BCAS3: variants seen among roughly 807,000 people sequenced by gnomAD.
BCAS3 encodes the protein BCAS3 microtubule associated cell migration factor.
BCAS3 carries 53 observed loss-of-function variants against 116.1 expected under a neutral mutation model. The ratio of observed to expected loss-of-function variants is 0.46; its 90% confidence interval spans 0.37 to 0.57. The LOEUF (loss-of-function observed/expected upper bound fraction) is 0.57, where lower values mean the gene tolerates loss of function less well. Ranked by LOEUF, BCAS3 falls within the 20% of genes least tolerant of loss-of-function variation. BCAS3 has a pLI of 0.00. For missense variants in BCAS3, 917 were observed against 1,165.4 expected, an observed-to-expected ratio of 0.79 and a Z score of 3.10; for synonymous variants, 391 against 408.2, an observed-to-expected ratio of 0.96 and a Z score of 0.51.
rs1340671180 is a variant in BCAS3, at chr17:61,239,577, A to G, written c.2426-128750A>G. Reference sequence around the variant, plus strand: ...AAGATTAATATAAAAAGAGAACTTCATTTACTCTGAGTGATCATGTTTCAA... The same window carrying G: ...AAGATTAATATAAAAAGAGAACTTCGTTTACTCTGAGTGATCATGTTTCAA... On this transcript the variant is annotated intron_variant, in intron 22 of 23. Transcript: ENST00000407086. This position sits in a 1 kb window ranked among gnomAD's most constrained non-coding sequence, Gnocchi z 4.2. 6.6e-6 allele frequency among the ~76,000 whole-genome samples: 1 copy of G among 152,202 alleles called. No homozygotes were observed. The highest frequency in any genetic ancestry group is 1.5e-5 in the Non-Finnish European group (1 of 68,030).
chr17:60,942,123 A>G (rs925526763), intron 13 of BCAS3, among the ~76,000 whole-genome samples: 6 of 152,110 alleles, frequency 3.9e-5, no homozygotes, highest in Non-Finnish European at 7.4e-5. Flanking sequence ...TCATGCCTAA[A>G]CTTAGGAATT....
chr17:60,753,227 T>C (rs1225852420), intron 6 of BCAS3, among the ~76,000 whole-genome samples: 2 of 152,124 alleles, frequency 1.3e-5, no homozygotes, highest in Non-Finnish European at 2.9e-5. Context: ...CACTTGTTTA[T>C]ATTCTTTCTC....
Position 61,233,141 on chromosome 17 carries a change from T to C in BCAS3, c.2426-135186T>C, listed in dbSNP as rs1460153126. On this transcript the variant is annotated intron_variant, in intron 22 of 23. Transcript: ENST00000407086. This position sits in a 1 kb window ranked among gnomAD's most constrained non-coding sequence, Gnocchi z 4.3. ...CCACTTAAAAAGGGGCTAAAAATAC[T>C]TCTTTTTTAAAAAACTCCTCTCCAT... Among the ~76,000 whole-genome samples, 1 of 152,208 alleles carries C rather than the reference T, an allele frequency of 6.6e-6. No individual in the cohort carries two copies. The highest frequency in any genetic ancestry group is 1.5e-5 in the Non-Finnish European group (1 of 68,042).
intron 15 of BCAS3, among the ~76,000 whole-genome samples, chr17:60,998,720 G>A (rs182497912): frequency 7.9e-5 from 12 of 151,986 alleles, no homozygotes; most frequent in African/African-American, 2.9e-4. Flanking sequence ...TATAGATTTG[G>A]GATATTAGTC....
rs887530351 is a variant in BCAS3 at position 61,213,151 on chromosome 17, ATTTT to A, written c.2425+128589_2425+128592del. On this transcript the variant is annotated intron_variant, in intron 22 of 23. Coordinates refer to ENST00000407086, the MANE Select transcript of BCAS3 (RefSeq NM_017679.5). This position sits in a 1 kb window ranked among gnomAD's most constrained non-coding sequence, Gnocchi z 5.4. Reference sequence around the variant, plus strand: ...TTCCTTGTTAAATTGTTATATATATATTTTTGTTTGTTTGTTTGTTTTTTGTTTT... The same window carrying A: ...TTCCTTGTTAAATTGTTATATATATATGTTTGTTTGTTTGTTTTTTGTTTT... Among the ~76,000 whole-genome samples the A allele has an allele frequency of 2.0e-5, 3 of 151,564 alleles. No individual in the cohort carries two copies. Among genetic ancestry groups the A allele is most frequent in the African/African-American group, 7.3e-5 (3 of 41,238 alleles).
intron 7 of BCAS3, among the ~76,000 whole-genome samples, chr17:60,849,297 A>C (rs1260225534): frequency 6.7e-6 from 1 of 149,580 alleles, no homozygotes; most frequent in African/African-American, 2.5e-5. Flanking sequence ...TTTTTTTTTA[A>C]TCTGCTGTCT....
intron 5 of BCAS3, among the ~76,000 whole-genome samples, chr17:60,746,784 C>G (rs573145700): frequency 6.6e-6 from 1 of 152,212 alleles, no homozygotes; most frequent in African/African-American, 2.4e-5. Flanking sequence ...CCTACGTGTT[C>G]TTTGCAATAA....
intron 5 of BCAS3, among the ~76,000 whole-genome samples, chr17:60,715,132 C>CTTT (rs200488032): frequency 1.5e-4 from 19 of 125,410 alleles, no homozygotes; most frequent in Admixed American, 3.2e-4. Context: ...CTTTCTCTTT[C>CTTT]TTTTTTTTTT....
In BCAS3 at chr17:61,162,377, C is replaced by T. The variant is rs1419740385; in HGVS notation, c.2425+77813C>T. On this transcript the variant is annotated intron_variant, in intron 22 of 23. Coordinates refer to ENST00000407086, the MANE Select transcript of BCAS3 (RefSeq NM_017679.5). The surrounding 1 kb of genome is among the most constrained non-coding windows in gnomAD (Gnocchi z 5.6). ...TGTTCCTGCCAGCTGGGTTTCTTTG[C>T]ATTCCCAACAGAAGGTTGTTTCATA... Among the ~76,000 whole-genome samples, 2 of 152,140 alleles carry T rather than the reference C, an allele frequency of 1.3e-5. No individual in the cohort carries two copies. The highest frequency in any genetic ancestry group is 2.9e-5 in the Non-Finnish European group (2 of 68,024).
chr17:61,264,548 C>A (rs2049508821), intron 22 of BCAS3, among the ~76,000 whole-genome samples: 1 of 151,908 alleles, frequency 6.6e-6, no homozygotes, highest in Non-Finnish European at 1.5e-5. Context: ...GCTGGGATTA[C>A]AGGGATGTGC....
chr17:61,357,304 G>T (rs2058203332), intron 22 of BCAS3, among the ~76,000 whole-genome samples: 1 of 148,754 alleles, frequency 6.7e-6, no homozygotes, highest in Non-Finnish European at 1.5e-5. Flanking sequence ...TAAAATAACA[G>T]GTGCCTATGG....
In BCAS3 at chr17:61,203,166, T is replaced by G. The variant is rs2080937739; in HGVS notation, c.2425+118602T>G. On this transcript the variant is annotated intron_variant, in intron 22 of 23. Transcript: ENST00000407086. This position sits in a 1 kb window ranked among gnomAD's most constrained non-coding sequence, Gnocchi z 5.7. ...CAATTTCAAGACTTCTCTTTTATTC[T>G]TCTTTTTTTCGAGACAGTTTCACTC... is the stretch of plus-strand genomic sequence containing the variant. 1.3e-5 allele frequency among the ~76,000 whole-genome samples: 2 copies of G among 152,212 alleles called. No homozygotes were observed. The highest frequency in any genetic ancestry group is 1.3e-4 in the Admixed American group (2 of 15,274).
chr17:61,272,595 C>T (rs2050378534), intron 22 of BCAS3, among the ~76,000 whole-genome samples: 1 of 128,222 alleles, frequency 7.8e-6, no homozygotes, highest in African/African-American at 3.0e-5. Context: ...GCCGGGAGTG[C>T]ACCACTGCAC....
rs137986433 is a variant in BCAS3, at chr17:61,357,312, T to C, written c.2426-11015T>C. On this transcript the variant is annotated intron_variant, in intron 22 of 23. Coordinates refer to ENST00000407086, the MANE Select transcript of BCAS3 (RefSeq NM_017679.5). Reference sequence around the variant, plus strand: ...AAATAAATAAAATAACAGGTGCCTATGGTTTCAGCTACTTGGGAGAGGAGG... The same window carrying C: ...AAATAAATAAAATAACAGGTGCCTACGGTTTCAGCTACTTGGGAGAGGAGG... Among the ~76,000 whole-genome samples the C allele has an allele frequency of 3.2e-4, 48 of 149,458 alleles. 1 individual carries two copies. In the East Asian group the frequency reaches 9.4e-3, roughly 29 times the overall value.
Position 61,128,022 on chromosome 17 carries a change from C to G in BCAS3, c.2425+43458C>G, listed in dbSNP as rs1383512276. On this transcript the variant is annotated intron_variant, in intron 22 of 23. Coordinates refer to ENST00000407086, the MANE Select transcript of BCAS3 (RefSeq NM_017679.5). The surrounding 1 kb of genome is among the most constrained non-coding windows in gnomAD (Gnocchi z 4.1). ...TTTGTGTGGCTTTGGGGAAGACATT[C>G]AGCAAAGAACACCACAATTCCCATT... 6.6e-6 allele frequency among the ~76,000 whole-genome samples: 1 copy of G among 152,070 alleles called. No individual in the cohort carries two copies. Among genetic ancestry groups the G allele is most frequent in the African/African-American group, 2.4e-5 (1 of 41,388 alleles).
intron 6 of BCAS3, among the ~76,000 whole-genome samples, chr17:60,763,644 G>T (rs1023661051): frequency 6.6e-6 from 1 of 151,868 alleles, no homozygotes; most frequent in African/African-American, 2.4e-5. Flanking sequence ...CAGGGATATT[G>T]GTCTAAAATT....
At chr17:61,182,134 A>G (rs1169521086) in intron 22 of BCAS3, among the ~76,000 whole-genome samples, 1 of 152,094 alleles carries the variant, frequency 6.6e-6, no homozygotes, top group Non-Finnish European at 1.5e-5. Context: ...TTGGCTTCTC[A>G]AGGTGCTAGG....
At chr17:61,340,904 A>T (rs1419303701) in intron 22 of BCAS3, among the ~76,000 whole-genome samples, 1 of 152,178 alleles carries the variant, frequency 6.6e-6, no homozygotes, top group African/African-American at 2.4e-5. Context: ...TGTGGGATAT[A>T]TGAGATTAGG....
rs2060214678 is a variant in BCAS3, at chr17:60,941,390, T to TTATGTA, written c.1088-5823_1088-5818dup. Among the ~76,000 whole-genome samples, 5 of 152,304 alleles carry TTATGTA rather than the reference T, an allele frequency of 3.3e-5. No homozygotes were observed. The South Asian group carries it at 8.3e-4, about 25-fold the overall frequency. On this transcript the variant is annotated intron_variant, in intron 13 of 23. Coordinates refer to ENST00000407086, the MANE Select transcript of BCAS3 (RefSeq NM_017679.5). Reference sequence around the variant, plus strand: ...GTCTACTCTGCACAAGTTTTTCCTTTTATGTATATGTGCATTTTAACTTGT... The same window carrying TTATGTA: ...GTCTACTCTGCACAAGTTTTTCCTTTTATGTATATGTATATGTGCATTTTAACTTGT...
Sources: gnomAD v4.1 joint callset for allele counts (sites outside exome capture counted in the v4.1 genomes callset) on GRCh38, gnomAD v4.1.1 for gene constraint, Gnocchi (gnomAD v3.1) non-coding constraint, MANE v1.5 for transcripts, NCBI Gene and HGNC (gene_info 2026-07-23, HGNC 2026-07-21) for gene names.